Variants in RABGAP1L observed in about 807,000 individuals in gnomAD.
RABGAP1L encodes the protein rab GTPase-activating protein 1-like.
RABGAP1L carries 63 observed loss-of-function variants against 137.7 expected under a neutral mutation model. The observed-to-expected ratio is 0.46, with a 90% CI of 0.37 to 0.56. The LOEUF (loss-of-function observed/expected upper bound fraction) is 0.56, where lower values mean the gene tolerates loss of function less well. Among genes scored for constraint, RABGAP1L ranks in the 20% least tolerant of loss-of-function variants. The probability of loss-of-function intolerance (pLI) is 0.00; values close to 1 mark genes in which losing one functional copy is unlikely to be tolerated. For synonymous variants in RABGAP1L, 431 were observed against 433.7 expected, an observed-to-expected ratio of 0.99 and a Z score of 0.08; for missense variants, 1,095 against 1,244.0, an observed-to-expected ratio of 0.88 and a Z score of 1.80.
chr1:174,161,219 G>GTATTATTAT lies in RABGAP1L; in HGVS notation c.-34+1591_-34+1599dup, dbSNP rs72031504. Among the ~76,000 whole-genome samples the GTATTATTAT allele has an allele frequency of 3.3e-3, 477 of 145,300 alleles. 1 individual carries two copies. The highest frequency in any genetic ancestry group is 0.01 in the East Asian group (50 of 4,976). On this transcript the variant is annotated intron_variant, in intron 1 of 25. Transcript: ENST00000681986. Reference sequence around the variant, plus strand: ...ATGTAGCCTACATTTGCTCTGATGTGTATTATTATTATTATTATTATTATT... The same window carrying GTATTATTAT: ...ATGTAGCCTACATTTGCTCTGATGTGTATTATTATTATTATTATTATTATTATTATTATT...
At chr1:174,783,528 T>C (rs1687192084) in intron 18 of RABGAP1L, among the ~76,000 whole-genome samples, 1 of 152,174 alleles carries the variant, frequency 6.6e-6, no homozygotes, top group Non-Finnish European at 1.5e-5. Flanking sequence ...AGTTCTTTTT[T>C]GTAATGACTT....
At chr1:174,364,588 A>T (rs1015815713) in intron 11 of RABGAP1L, among the ~76,000 whole-genome samples, 2 of 152,050 alleles carry the variant, frequency 1.3e-5, no homozygotes, top group African/African-American at 4.8e-5. Context: ...GGTAGGTTGT[A>T]TATGTCTAGG....
At chr1:174,412,145 C>A (rs1650009770) in intron 13 of RABGAP1L, among the ~76,000 whole-genome samples, 1 of 151,582 alleles carries the variant, frequency 6.6e-6, no homozygotes, top group Non-Finnish European at 1.5e-5. Context: ...TTGTTTATAC[C>A]CCAAACTTGG....
intron 14 of RABGAP1L, among the ~76,000 whole-genome samples, chr1:174,644,711 T>C (rs1674811778): frequency 6.6e-6 from 1 of 152,130 alleles, no homozygotes; most frequent in South Asian, 2.1e-4. Flanking sequence ...CTTGAATGGA[T>C]TATTTTATGT....
chr1:174,181,284 G>C (rs1215191665), intron 1 of RABGAP1L, among the ~76,000 whole-genome samples: 2 of 151,894 alleles, frequency 1.3e-5, no homozygotes, highest in East Asian at 3.9e-4. Flanking sequence ...GGAATTATGT[G>C]CATGTGCCAC....
chr1:174,742,015 G>T (rs1258675409), intron 17 of RABGAP1L, among the ~76,000 whole-genome samples: 2 of 145,872 alleles, frequency 1.4e-5, no homozygotes, highest in Non-Finnish European at 3.0e-5. Context: ...CTCCAGCCTG[G>T]GTGACAGAGC....
chr1:174,184,167 G>C (rs1259061019), intron 1 of RABGAP1L, among the ~76,000 whole-genome samples: 1 of 152,068 alleles, frequency 6.6e-6, no homozygotes, highest in African/African-American at 2.4e-5. Context: ...GTGCCCGGCA[G>C]ATTGGCTTCT....
rs149348860 is a variant in RABGAP1L, at chr1:174,882,143, C to A, written c.2340+70183C>A. ...CCCAGAGTGCTGAGATTACATCAAT[C>A]TGATAACTGCACTGTGAAGCAAATT... On this transcript the variant is annotated intron_variant, in intron 19 of 25. Transcript: ENST00000681986. Among the ~76,000 whole-genome samples, 9 of 152,242 alleles carry A rather than the reference C, an allele frequency of 5.9e-5. No individual in the cohort carries two copies. The East Asian group carries it at 1.7e-3, about 29-fold the overall frequency.
intron 13 of RABGAP1L, among the ~76,000 whole-genome samples, chr1:174,488,449 G>T (rs1318965272): frequency 6.6e-6 from 1 of 151,740 alleles, no homozygotes; most frequent in Non-Finnish European, 1.5e-5. Context: ...GCTGCTTTTA[G>T]GATACTTTTT....
chr1:174,935,371 C>T (rs568376685), intron 19 of RABGAP1L: 24 of 152,030 alleles, frequency 1.6e-4, no homozygotes, highest in Non-Finnish European at 3.5e-4. Context: ...AGACAAGAAA[C>T]AAGACATATA....
chr1:174,362,672 A>G (rs1473951206), intron 11 of RABGAP1L, among the ~76,000 whole-genome samples: 1 of 152,170 alleles, frequency 6.6e-6, no homozygotes, highest in East Asian at 1.9e-4. Context: ...GATGCTGGAT[A>G]TTAGACTTTT....
At chr1:174,874,069 T>C (rs1339597151) in intron 19 of RABGAP1L, among the ~76,000 whole-genome samples, 1 of 152,180 alleles carries the variant, frequency 6.6e-6, no homozygotes, top group Non-Finnish European at 1.5e-5. Context: ...CAAAATTAGC[T>C]ACTAGTATGG....
chr1:174,615,256 G>A (rs1572523015), intron 13 of RABGAP1L, among the ~76,000 whole-genome samples: 2 of 152,130 alleles, frequency 1.3e-5, no homozygotes, highest in African/African-American at 4.8e-5. Flanking sequence ...ATGGGTTTTT[G>A]GTGTGGATGT....
At chr1:174,689,037 C>T (rs1678677399) in intron 15 of RABGAP1L, among the ~76,000 whole-genome samples, 1 of 152,006 alleles carries the variant, frequency 6.6e-6, no homozygotes, top group Non-Finnish European at 1.5e-5. Context: ...GGGCTATCGA[C>T]AGTATTCTCT....
rs531997435 is a variant in RABGAP1L at position 174,472,267 on chromosome 1, G to A, written c.1710+78122G>A. 1.3e-4 allele frequency among the ~76,000 whole-genome samples: 20 copies of A among 152,322 alleles called. No homozygotes were observed. The South Asian group carries it at 2.9e-3, about 22-fold the overall frequency. On this transcript the variant is annotated intron_variant, in intron 13 of 25. Coordinates refer to ENST00000681986, the MANE Select transcript of RABGAP1L (RefSeq NM_001366446.1). The stretch of plus-strand genomic sequence containing the variant: ...AAGGAGTGTGGCATCAGGAAAGACA[G>A]CAATGAGACAGGTATGGTGGGAAAG...
chr1:174,461,560 T>A (rs568709841), intron 13 of RABGAP1L, among the ~76,000 whole-genome samples: 1 of 152,294 alleles, frequency 6.6e-6, no homozygotes, highest in Non-Finnish European at 1.5e-5. Context: ...TACAGAGTGC[T>A]CTCTGTATAG....
intron 20 of RABGAP1L, among the ~76,000 whole-genome samples, chr1:174,962,156 C>T (rs1669179336): frequency 6.9e-6 from 1 of 145,802 alleles, no homozygotes; most frequent in African/African-American, 2.6e-5. Context: ...GCCTGGGCGA[C>T]AGAGTGAGAC....
At chr1:174,884,675 A>G (rs1344095422) in intron 19 of RABGAP1L, among the ~76,000 whole-genome samples, 1 of 152,238 alleles carries the variant, frequency 6.6e-6, no homozygotes, top group Non-Finnish European at 1.5e-5. Flanking sequence ...TCACGTGGAC[A>G]GCAAAGTGTG....
At chr1:174,316,144 T>C (rs61077309) in intron 11 of RABGAP1L, among the ~76,000 whole-genome samples, 1,862 of 152,310 alleles carry the variant, frequency 0.012, 47 homozygotes, top group African/African-American at 0.043. Flanking sequence ...TCCTTCTTTG[T>C]GTTATCTTGA....
Sources: gnomAD v4.1 joint callset for allele counts (sites outside exome capture counted in the v4.1 genomes callset) on GRCh38, gnomAD v4.1.1 for gene constraint, MANE v1.5 for transcripts, NCBI Gene and HGNC (gene_info 2026-07-23, HGNC 2026-07-21) for gene names.